Variants in PLAGL1 observed in about 807,000 individuals in gnomAD.
The protein encoded by PLAGL1 is zinc finger protein PLAGL1.
Under a neutral mutation model 4.6 loss-of-function variants are expected in PLAGL1, and 1 was observed. That is an observed-to-expected ratio of 0.22 (90% CI 0.08 to 1.03). PLAGL1 has a LOEUF of 1.03. PLAGL1 is among the 50% of genes least tolerant of loss of function. The probability of loss-of-function intolerance (pLI) is 0.58; values close to 1 mark genes in which losing one functional copy is unlikely to be tolerated. For missense variants in PLAGL1, 464 were observed against 570.4 expected (o/e 0.81, Z 1.90); for synonymous variants, 240 against 237.8 (o/e 1.01, Z -0.08).
rs1778938720 is a variant in PLAGL1, at chr6:143,942,841, A to G, written c.153-178T>C. On this transcript the variant is annotated intron_variant, in intron 7 of 7. Coordinates refer to ENST00000674357, the MANE Select transcript of PLAGL1 (RefSeq NM_001317162.2). This position sits in a 1 kb window ranked among gnomAD's most constrained non-coding sequence, Gnocchi z 7.6. ...TTTATAATTAAGAAAAGCAAGCAAT[A>G]CTAAAGCCATAATACATTTTTCACA... Among the ~76,000 whole-genome samples, 1 of 152,142 alleles carries G rather than the reference A, an allele frequency of 6.6e-6. No homozygotes were observed. The highest frequency in any genetic ancestry group is 6.5e-5 in the Admixed American group (1 of 15,272).
intron 1 of PLAGL1, among the ~76,000 whole-genome samples, chr6:144,060,026 C>A (rs1420529143): frequency 6.6e-6 from 1 of 152,072 alleles, no homozygotes; most frequent in East Asian, 1.9e-4. Flanking sequence ...ACCCTCTGAT[C>A]CCTTCCTTTC....
chr6:143,948,162 T>C lies in PLAGL1; in HGVS notation c.-26A>G. ...GGGCTTTGCTTCTCACACCTTCCTT[T>C]TCAGATGTGCTGACCAAATGCTGTG... is the stretch of plus-strand genomic sequence containing the variant. On this transcript the variant is annotated 5_prime_UTR_variant, in exon 7 of 8. Transcript: ENST00000674357. The surrounding 1 kb of genome is among the most constrained non-coding windows in gnomAD (Gnocchi z 6.0). 6.2e-7 allele frequency: 1 copy of C among 1,608,230 alleles called. No individual in the cohort carries two copies. Among genetic ancestry groups the C allele is most frequent in the Non-Finnish European group, 8.5e-7 (1 of 1,176,130 alleles).
rs926920841 is a variant in PLAGL1, at chr6:143,961,573, G to C, written c.-398-1031C>G. Among the ~76,000 whole-genome samples, 1 of 152,188 alleles carries C rather than the reference G, an allele frequency of 6.6e-6. No individual in the cohort carries two copies. ...TACAGGAAAATACTGGAGGTGAGCAGGTTATTTGCCTGAGTCATTTAGGGA... is the reference window on the plus strand; with the variant it reads ...TACAGGAAAATACTGGAGGTGAGCACGTTATTTGCCTGAGTCATTTAGGGA... On this transcript the variant is annotated intron_variant, in intron 5 of 7. Transcript: ENST00000674357. This position sits in a 1 kb window ranked among gnomAD's most constrained non-coding sequence, Gnocchi z 6.5.
At chr6:144,062,165 C>G (rs1799461143) in intron 1 of PLAGL1, among the ~76,000 whole-genome samples, 1 of 152,070 alleles carries the variant, frequency 6.6e-6, no homozygotes, top group South Asian at 2.1e-4. Context: ...ATCACGAGGT[C>G]ATGAGATGGA....
intron 1 of PLAGL1, among the ~76,000 whole-genome samples, chr6:143,999,370 T>C (rs60197499): frequency 1.8e-4 from 28 of 152,304 alleles, no homozygotes; most frequent in African/African-American, 6.5e-4. Flanking sequence ...CAGTACATCA[T>C]TGGTGAATGA....
Position 143,953,118 on chromosome 6 carries a change from T to C in PLAGL1, c.-324-4658A>G. On this transcript the variant is annotated intron_variant, in intron 6 of 7. Coordinates refer to ENST00000674357, the MANE Select transcript of PLAGL1 (RefSeq NM_001317162.2). This position sits in a 1 kb window ranked among gnomAD's most constrained non-coding sequence, Gnocchi z 5.3. The stretch of plus-strand genomic sequence containing the variant: ...GGGAACCCTTGTCTACCTGGCAAAC[T>C]TCTACTTTTCTCTGTCACTGCCAGG... Among the ~76,000 whole-genome samples, 1 of 152,328 alleles carries C rather than the reference T, an allele frequency of 6.6e-6. No homozygotes were observed. The highest frequency in any genetic ancestry group is 6.5e-5 in the Admixed American group (1 of 15,296).
At chr6:144,019,465 C>A (rs976439049) in intron 1 of PLAGL1, among the ~76,000 whole-genome samples, 2 of 151,762 alleles carry the variant, frequency 1.3e-5, no homozygotes, top group African/African-American at 4.8e-5. Context: ...GAGGGAGACT[C>A]TCTTGAGGAA....
In PLAGL1 at chr6:143,958,406, C is replaced by T. The variant is rs1235075857; in HGVS notation, c.-325+2063G>A. Reference sequence around the variant, plus strand: ...AAGTAACGTGCAGTAACTTTTCAAGCTCGATGTAGAAATATCCAGAACTTA... The same window carrying T: ...AAGTAACGTGCAGTAACTTTTCAAGTTCGATGTAGAAATATCCAGAACTTA... On this transcript the variant is annotated intron_variant, in intron 6 of 7. Transcript: ENST00000674357. This position sits in a 1 kb window ranked among gnomAD's most constrained non-coding sequence, Gnocchi z 5.1. Among the ~76,000 whole-genome samples, 1 of 152,188 alleles carries T rather than the reference C, an allele frequency of 6.6e-6. No individual in the cohort carries two copies. Among genetic ancestry groups the T allele is most frequent in the Non-Finnish European group, 1.5e-5 (1 of 68,040 alleles).
Position 144,061,609 on chromosome 6 carries a change from A to G in PLAGL1, c.-151+2859T>C, listed in dbSNP as rs969356800. Among the ~76,000 whole-genome samples, 1 of 152,184 alleles carries G rather than the reference A, an allele frequency of 6.6e-6. No individual in the cohort carries two copies. Among genetic ancestry groups the G allele is most frequent in the Non-Finnish European group, 1.5e-5 (1 of 68,030 alleles). On this transcript the variant is annotated intron_variant, in intron 1 of 3. Transcript: ENST00000437412. This position sits in a 1 kb window ranked among gnomAD's most constrained non-coding sequence, Gnocchi z 4.4. ...AGCCCATGTTTAACTTCCACATTAT[A>G]CTGCCTCCCTCTATATTTTGAAATA...
At position 143,963,755 on chromosome 6, in the gene PLAGL1, T is replaced by A. The variant is rs978301000; in HGVS notation, c.-399+1032A>T. 7.2e-5 allele frequency among the ~76,000 whole-genome samples: 11 copies of A among 152,216 alleles called. No homozygotes were observed. Among genetic ancestry groups the A allele is most frequent in the African/African-American group, 2.7e-4 (11 of 41,452 alleles). ...CAACTTTATTGTCTCTCAAATCTAT[T>A]TCCTTCTCTTAATTCCCATAGCTAC... On this transcript the variant is annotated intron_variant, in intron 5 of 7. Coordinates refer to ENST00000674357, the MANE Select transcript of PLAGL1 (RefSeq NM_001317162.2). The surrounding 1 kb of genome is among the most constrained non-coding windows in gnomAD (Gnocchi z 6.1).
rs900623330 is a variant in PLAGL1, at chr6:143,990,741, G to T, written c.-583-5567C>A. ...TGCAAGAGCCCAGAGCTGCCCCAAG[G>T]CACTCTTTTCAGGATATTAAAGACT... is the stretch of plus-strand genomic sequence containing the variant. On this transcript the variant is annotated intron_variant, in intron 1 of 7. Coordinates refer to ENST00000674357, the MANE Select transcript of PLAGL1 (RefSeq NM_001317162.2). The surrounding 1 kb of genome is among the most constrained non-coding windows in gnomAD (Gnocchi z 5.4). Among the ~76,000 whole-genome samples the T allele has an allele frequency of 6.6e-6, 1 of 152,140 alleles. No homozygotes were observed. The highest frequency in any genetic ancestry group is 6.5e-5 in the Admixed American group (1 of 15,268).
chr6:144,041,843 A>C (rs112000839), intron 1 of PLAGL1, among the ~76,000 whole-genome samples: 4,736 of 152,174 alleles, frequency 0.031, 243 homozygotes, highest in African/African-American at 0.11. Context: ...CGTCTCCAGC[A>C]CCTGTTCCTG....
rs1781430881 is a variant in PLAGL1, at chr6:143,953,212, AAT to A, written c.-324-4754_-324-4753del. Among the ~76,000 whole-genome samples the A allele has an allele frequency of 1.3e-5, 2 of 152,132 alleles. No individual in the cohort carries two copies. ...ATGGCCCAGTAGAGATCTCCACCTT[AAT>A]ATGTTTGAAGAGCTTTCACTCTAGT... is the stretch of plus-strand genomic sequence containing the variant. On this transcript the variant is annotated intron_variant, in intron 6 of 7. Transcript: ENST00000674357. This position sits in a 1 kb window ranked among gnomAD's most constrained non-coding sequence, Gnocchi z 5.3.
chr6:144,054,816 TGTGTG>T (rs1798846755), intron 1 of PLAGL1, among the ~76,000 whole-genome samples: 1 of 147,276 alleles, frequency 6.8e-6, no homozygotes, highest in Admixed American at 7.0e-5. Context: ...TGTGTGTGTG[TGTGTG>T]TTCATGTGTA....
Position 143,985,976 on chromosome 6 carries a change from ATAAAAT to A in PLAGL1, c.-583-808_-583-803del, listed in dbSNP as rs1189027903. Reference sequence around the variant, plus strand: ...CACATATATATCAAATTATATATATATAAAATTATATATATATATATATATATATAT... The same window carrying A: ...CACATATATATCAAATTATATATATATATATATATATATATATATATATAT... On this transcript the variant is annotated intron_variant, in intron 1 of 7. Transcript: ENST00000674357. The surrounding 1 kb of genome is among the most constrained non-coding windows in gnomAD (Gnocchi z 4.4). 6.6e-5 allele frequency among the ~76,000 whole-genome samples: 5 copies of A among 76,280 alleles called. No individual in the cohort carries two copies. Among genetic ancestry groups the A allele is most frequent in the South Asian group, 6.2e-4 (1 of 1,622 alleles). The allele number at this position is 76,280 out of a possible 152,430, so 50.0% of individuals were successfully genotyped here. A position where few individuals can be genotyped will look rare whatever the true frequency, so the allele number is the denominator to read the frequency against.
rs1315356428 is a variant in PLAGL1 at position 144,027,768 on chromosome 6, A to G, written c.-151+36700T>C. On this transcript the variant is annotated intron_variant, in intron 1 of 3. Transcript: ENST00000437412. This position sits in a 1 kb window ranked among gnomAD's most constrained non-coding sequence, Gnocchi z 5.8. ...TCGCTCTGTCAGGGAAATGTTAATC[A>G]TATTTGCTAAACTTACTATTATATA... 6.6e-6 allele frequency among the ~76,000 whole-genome samples: 1 copy of G among 152,170 alleles called. No individual in the cohort carries two copies. The highest frequency in any genetic ancestry group is 1.5e-5 in the Non-Finnish European group (1 of 68,046).
intron 1 of PLAGL1, among the ~76,000 whole-genome samples, chr6:144,033,377 T>C (rs1304274766): frequency 6.6e-6 from 1 of 152,206 alleles, no homozygotes; most frequent in Non-Finnish European, 1.5e-5. Context: ...CTTTGCTGCC[T>C]GGAAGTGGTG....
At chr6:143,946,076 A>T (rs1435559432) in intron 7 of PLAGL1, among the ~76,000 whole-genome samples, 1 of 152,164 alleles carries the variant, frequency 6.6e-6, no homozygotes, top group African/African-American at 2.4e-5. Flanking sequence ...GTCATACCCA[A>T]ATACACATAT....
rs961879443 is a variant in PLAGL1, at chr6:143,950,362, A to C, written c.-324-1902T>G. 2.0e-5 allele frequency among the ~76,000 whole-genome samples: 3 copies of C among 152,128 alleles called. No homozygotes were observed. The highest frequency in any genetic ancestry group is 7.2e-5 in the African/African-American group (3 of 41,404). On this transcript the variant is annotated intron_variant, in intron 6 of 7. Coordinates refer to ENST00000674357, the MANE Select transcript of PLAGL1 (RefSeq NM_001317162.2). This position sits in a 1 kb window ranked among gnomAD's most constrained non-coding sequence, Gnocchi z 6.3. ...AGTTCATGCCTGAGGCCCTATCTTGAGGAATCCTCAACAGCCCTGGTCACA... is the reference window on the plus strand; with the variant it reads ...AGTTCATGCCTGAGGCCCTATCTTGCGGAATCCTCAACAGCCCTGGTCACA...
Sources: gnomAD v4.1 joint callset for allele counts (sites outside exome capture counted in the v4.1 genomes callset) on GRCh38, gnomAD v4.1.1 for gene constraint, Gnocchi (gnomAD v3.1) non-coding constraint, MANE v1.5 for transcripts, NCBI Gene and HGNC (gene_info 2026-07-23, HGNC 2026-07-21) for gene names.